MELK: variants seen among roughly 807,000 people sequenced by gnomAD.
The protein encoded by MELK is maternal embryonic leucine zipper kinase, also known as pEg3 kinase.
In MELK, 81 loss-of-function variants were observed where a neutral mutation model predicts 85.0. The observed-to-expected ratio is 0.95, with a 90% CI of 0.80 to 1.15. The LOEUF is 1.15. MELK is among the 50% of genes most tolerant of loss of function. The probability of loss-of-function intolerance (pLI) is 0.00; values close to 1 mark genes in which losing one functional copy is unlikely to be tolerated. For missense variants in MELK, 754 were observed against 777.5 expected, an observed-to-expected ratio of 0.97 and a Z score of 0.36; for synonymous variants, 252 against 265.0, an observed-to-expected ratio of 0.95 and a Z score of 0.48.
chr9:36,633,018 T>C (rs751109036), intron 9 of MELK, 84 bp from the exon 10 acceptor site: 10 of 905,642 alleles, frequency 1.1e-5, no homozygotes, highest in South Asian at 1.0e-4. Context: ...TCTGTTCTGA[T>C]GCATTTTTAG....
chr9:36,648,144 T>C (rs538743218), intron 11 of MELK, among the ~76,000 whole-genome samples: 3 of 152,242 alleles, frequency 2.0e-5, no homozygotes, highest in Admixed American at 2.0e-4. Context: ...ACAGCTAAGT[T>C]TACGTCGAAC....
intron 15 of MELK, 80 bp downstream of exon 15, chr9:36,669,486 T>G (rs537096219): frequency 1.0e-6 from 1 of 975,814 alleles, no homozygotes; most frequent in South Asian, 1.8e-5. Flanking sequence ...TAGACCTGAT[T>G]AAGGTAAATC....
intron 1 of MELK, among the ~76,000 whole-genome samples, chr9:36,573,982 C>T (rs1821374192): frequency 6.6e-6 from 1 of 152,098 alleles, no homozygotes; most frequent in Non-Finnish European, 1.5e-5. Flanking sequence ...GGTATTTCTC[C>T]TTTGTTAGTG....
At chr9:36,593,156 C>T (rs905060115) in intron 4 of MELK, among the ~76,000 whole-genome samples, 2 of 148,170 alleles carry the variant, frequency 1.3e-5, no homozygotes, top group Non-Finnish European at 3.0e-5. Context: ...TGTTTCATAT[C>T]AGTTTGTAAA....
At chr9:36,643,677 G>A (rs1210743983) in intron 11 of MELK, among the ~76,000 whole-genome samples, 1 of 152,132 alleles carries the variant, frequency 6.6e-6, no homozygotes, top group Non-Finnish European at 1.5e-5. Context: ...GCTCACGCCT[G>A]TAATCCCAGC....
At chr9:36,647,422 A>G (rs1290827378) in intron 11 of MELK, among the ~76,000 whole-genome samples, 1 of 151,522 alleles carries the variant, frequency 6.6e-6, no homozygotes, top group Non-Finnish European at 1.5e-5. Context: ...ATAAGTATAT[A>G]TTTTCCACCC....
At chr9:36,659,364 TA>T (rs1464323202) in intron 13 of MELK, among the ~76,000 whole-genome samples, 3 of 152,206 alleles carry the variant, frequency 2.0e-5, no homozygotes, top group African/African-American at 7.2e-5. Context: ...TGTTGAAAAC[TA>T]GACATTTTAA....
chr9:36,674,854 A>G lies in MELK; in HGVS notation c.1695A>G (p.Thr565=), dbSNP rs375021615. ...CTTAGCTTCACTATAACGTGACTAC[A>G]ACTAGATTAGTGAATCCAGATCAAC... The part of the protein sequence containing the change: ...RRLKLHYNVT[T]TRLVNPDQLL... The change falls in exon 17 of 18, where the codon ACA becomes ACG. Residue 565 remains threonine (T), a synonymous_variant. Coordinates refer to ENST00000298048, the MANE Select transcript of MELK (RefSeq NM_014791.4). The G allele has an allele frequency of 5.2e-5, 83 of 1,586,018 alleles. No homozygotes were observed. The African/African-American group carries it at 9.1e-4, about 17-fold the overall frequency.
At chr9:36,597,000 A>T (rs780516717) in intron 5 of MELK, among the ~76,000 whole-genome samples, 3 of 151,706 alleles carry the variant, frequency 2.0e-5, no homozygotes, top group Non-Finnish European at 4.4e-5. Context: ...CATTTTAATT[A>T]ATTTATTTAT....
At chr9:36,641,206 A>C (rs1829723238) in intron 10 of MELK, among the ~76,000 whole-genome samples, 1 of 152,322 alleles carries the variant, frequency 6.6e-6, no homozygotes, top group African/African-American at 2.4e-5. Context: ...CTCTTTTAGC[A>C]CAGAGGAAAT....
At position 36,671,149 on chromosome 9, in the gene MELK, G is replaced by C. The variant is rs370307671; in HGVS notation, c.1657G>C (p.Gly553Arg). ...RSKRKGSARD[G>R]PRRLKLHYNV... is the part of the protein sequence containing the mutation. ...CAAAAGGAAGGGTTCTGCCAGAGAC[G>C]GGCCCAGAAGACTAAAGGTAAGCAG... The change falls in exon 16 of 18, where the codon GGG (glycine) becomes CGG (arginine). Residue 553 changes from glycine to arginine, a missense_variant. Coordinates refer to ENST00000298048, the MANE Select transcript of MELK (RefSeq NM_014791.4). 2.5e-6 allele frequency: 4 copies of C among 1,600,768 alleles called. No individual in the cohort carries two copies. Among genetic ancestry groups the C allele is most frequent in the Non-Finnish European group, 3.4e-6 (4 of 1,173,932 alleles).
intron 7 of MELK, among the ~76,000 whole-genome samples, chr9:36,600,084 TTTTTG>T (rs1361891972): frequency 6.8e-6 from 1 of 148,014 alleles, no homozygotes; most frequent in African/African-American, 2.6e-5. Flanking sequence ...TCCAAATCTT[TTTTTG>T]TTTTGTTTTG....
At chr9:36,636,753 T>C (rs1337688801) in intron 10 of MELK, among the ~76,000 whole-genome samples, 3 of 104,476 alleles carry the variant, frequency 2.9e-5, no homozygotes, top group Non-Finnish European at 5.7e-5. Flanking sequence ...TCTTTCTTTC[T>C]TTCTTTCTTT....
chr9:36,665,180 T>G (rs1458046814), intron 13 of MELK, among the ~76,000 whole-genome samples, 170 bp from the exon 14 acceptor site: 1 of 152,202 alleles, frequency 6.6e-6, no homozygotes, highest in African/African-American at 2.4e-5. Flanking sequence ...GTGATCTACA[T>G]GTATTAAAGA....
chr9:36,621,169 G>A (rs1827370902), intron 8 of MELK, among the ~76,000 whole-genome samples: 2 of 150,846 alleles, frequency 1.3e-5, no homozygotes. Flanking sequence ...GTACTCAGGA[G>A]GCTGAAGCAG....
intron 11 of MELK, among the ~76,000 whole-genome samples, chr9:36,648,801 A>G (rs958514273): frequency 2.0e-5 from 3 of 152,218 alleles, no homozygotes; most frequent in Admixed American, 1.3e-4. Flanking sequence ...GAGCAGCCCC[A>G]TCATACACAT....
intron 2 of MELK, among the ~76,000 whole-genome samples, chr9:36,582,411 G>A (rs978667245): frequency 6.6e-6 from 1 of 152,200 alleles, no homozygotes; most frequent in African/African-American, 2.4e-5. Flanking sequence ...AGCAGAGGCA[G>A]GGAGATGTTA....
chr9:36,618,292 C>G (rs1423013494), intron 8 of MELK, among the ~76,000 whole-genome samples: 1 of 151,470 alleles, frequency 6.6e-6, no homozygotes, highest in East Asian at 1.9e-4. Context: ...GCCTGTAATC[C>G]CAGCTACTTT....
intron 4 of MELK, among the ~76,000 whole-genome samples, chr9:36,591,299 G>GC (rs1298664884): frequency 6.6e-6 from 1 of 152,106 alleles, no homozygotes; most frequent in Non-Finnish European, 1.5e-5. Context: ...AGGGCCAGGC[G>GC]CAGGGGGTCA....
Sources: gnomAD v4.1 joint callset for allele counts (sites outside exome capture counted in the v4.1 genomes callset) on GRCh38, gnomAD v4.1.1 for gene constraint, MANE v1.5 for transcripts, NCBI Gene and HGNC (gene_info 2026-07-23, HGNC 2026-07-21) for gene names.